Variants in FOCAD observed in about 807,000 individuals in gnomAD.
The protein encoded by FOCAD is focadhesin.
A neutral mutation model predicts 225.6 loss-of-function variants in FOCAD; 198 were observed. That is an observed-to-expected ratio of 0.88 (90% CI 0.78 to 0.99). FOCAD has a LOEUF of 0.99. Ranked by LOEUF, FOCAD falls within the 50% of genes least tolerant of loss-of-function variation. The pLI is 0.00. For synonymous variants in FOCAD, 897 were observed against 755.0 expected (o/e 1.19, Z -3.08); for missense variants, 2,713 against 2,123.6 (o/e 1.28, Z -5.46).
chr9:20,729,871 T>C (rs1022810932), intron 4 of FOCAD, among the ~76,000 whole-genome samples: 2 of 152,158 alleles, frequency 1.3e-5, no homozygotes, highest in Non-Finnish European at 2.9e-5. Context: ...AGAATCAGTG[T>C]CAAATATAAT....
In FOCAD at chr9:20,844,818, A is replaced by G. The variant is rs191030983; in HGVS notation, c.1921-17760A>G. Among the ~76,000 whole-genome samples the G allele has an allele frequency of 1.6e-4, 25 of 152,270 alleles. No homozygotes were observed. The East Asian group carries it at 4.6e-3, about 28-fold the overall frequency. On this transcript the variant is annotated intron_variant, in intron 15 of 43. Transcript: ENST00000338382. Reference sequence around the variant, plus strand: ...TGAGATATTTTCTAATTGTTAAGTTAATAATGAAGTTAATGTGATGGGTTT... The same window carrying G: ...TGAGATATTTTCTAATTGTTAAGTTGATAATGAAGTTAATGTGATGGGTTT...
Position 20,959,562 on chromosome 9 carries a change from T to C in FOCAD, c.4132+6497T>C, listed in dbSNP as rs1838511056. Among the ~76,000 whole-genome samples, 3 of 152,180 alleles carry C rather than the reference T, an allele frequency of 2.0e-5. No homozygotes were observed. In the South Asian group the frequency reaches 6.2e-4, roughly 32 times the overall value. The stretch of plus-strand genomic sequence containing the variant: ...TTGATGTAATCCCATTTATTTTTGC[T>C]TTTATTTTCTATGCTTTTGAGGTCT... On this transcript the variant is annotated intron_variant, in intron 35 of 43. Coordinates refer to ENST00000338382, the MANE Select transcript of FOCAD (RefSeq NM_001375567.1).
At chr9:20,806,508 A>G (rs987788545) in intron 11 of FOCAD, among the ~76,000 whole-genome samples, 2 of 152,210 alleles carry the variant, frequency 1.3e-5, no homozygotes, top group Admixed American at 6.5e-5. Flanking sequence ...CTACAGAACA[A>G]GAATTAAAAC....
At chr9:20,824,862 G>T (rs1824703514) in intron 15 of FOCAD, among the ~76,000 whole-genome samples, 1 of 151,922 alleles carries the variant, frequency 6.6e-6, no homozygotes. Context: ...GTTCATTCTT[G>T]TCTAGAAAGT....
chr9:20,933,020 A>G lies in FOCAD; in HGVS notation c.3324A>G (p.Ile1108Met). The change falls in exon 28 of 44, where the codon ATA (isoleucine) becomes ATG (methionine). Residue 1108 changes from isoleucine (I) to methionine (M), a missense_variant. Physicochemically the swap from Ile to Met is conservative, Grantham distance 10. Transcript: ENST00000338382. ...CCCCTTGATCTTTAACCAGTGATAT[A>G]TCTGGCCAAGAGATGAACCTTCTTC... is the stretch of plus-strand genomic sequence containing the variant. ...SRLCEEKLSD[I>M]SGQEMNLLLM... 1.9e-6 allele frequency: 3 copies of G among 1,613,062 alleles called. No individual in the cohort carries two copies. Among genetic ancestry groups the G allele is most frequent in the Non-Finnish European group, 2.5e-6 (3 of 1,179,150 alleles).
chr9:20,782,483 A>G (rs939101575), intron 10 of FOCAD, among the ~76,000 whole-genome samples: 4 of 152,142 alleles, frequency 2.6e-5, no homozygotes, highest in African/African-American at 7.2e-5. Flanking sequence ...TCCGTTTCCA[A>G]TCCTGCCTGC....
intron 28 of FOCAD, among the ~76,000 whole-genome samples, chr9:20,938,395 C>T (rs1020209639): frequency 6.6e-6 from 1 of 152,122 alleles, no homozygotes; most frequent in Non-Finnish European, 1.5e-5. Flanking sequence ...GAATACTATG[C>T]AGCCATAAAA....
chr9:20,818,445 A>G (rs1204933871), intron 11 of FOCAD, among the ~76,000 whole-genome samples: 1 of 151,980 alleles, frequency 6.6e-6, no homozygotes, highest in Admixed American at 6.6e-5. Flanking sequence ...GTCTACCCCA[A>G]TGTTACAAAG....
At chr9:20,978,563 C>A (rs1840409884) in intron 37 of FOCAD, 109 bp downstream of exon 37, 10 of 682,292 alleles carry the variant, frequency 1.5e-5, no homozygotes, top group Non-Finnish European at 2.3e-5. Flanking sequence ...CAGATGAGAT[C>A]TTCACAAAAA....
intron 10 of FOCAD, among the ~76,000 whole-genome samples, chr9:20,784,057 A>G (rs1819666876): frequency 6.6e-6 from 1 of 152,236 alleles, no homozygotes; most frequent in Non-Finnish European, 1.5e-5. Flanking sequence ...AAGTCTCCCC[A>G]GACAATGCTG....
intron 23 of FOCAD, among the ~76,000 whole-genome samples, chr9:20,915,432 A>T (rs1370529658): frequency 6.6e-6 from 1 of 152,216 alleles, no homozygotes; most frequent in African/African-American, 2.4e-5. Flanking sequence ...GAAAGAAGGC[A>T]TTCTAAGGAG....
At chr9:20,824,267 C>T (rs1478107266) in intron 15 of FOCAD, among the ~76,000 whole-genome samples, 1 of 152,008 alleles carries the variant, frequency 6.6e-6, no homozygotes, top group Non-Finnish European at 1.5e-5. Flanking sequence ...AATAAGTAAT[C>T]CTGAAATCTA....
intron 35 of FOCAD, among the ~76,000 whole-genome samples, chr9:20,962,128 T>C (rs1035619701): frequency 3.3e-5 from 5 of 152,114 alleles, no homozygotes; most frequent in Non-Finnish European, 7.3e-5. Context: ...CTTTCCTTGG[T>C]GGGGGAAGAT....
At chr9:20,791,239 A>T (rs1012541950) in intron 11 of FOCAD, among the ~76,000 whole-genome samples, 1 of 136,896 alleles carries the variant, frequency 7.3e-6, no homozygotes, top group African/African-American at 2.7e-5. Flanking sequence ...ACACACACTC[A>T]CACACACACA....
chr9:20,796,577 A>AT (rs1821134712), intron 11 of FOCAD, among the ~76,000 whole-genome samples: 1 of 151,978 alleles, frequency 6.6e-6, no homozygotes, highest in African/African-American at 2.4e-5. Flanking sequence ...GATGATGAGC[A>AT]TTTTTTCATG....
intron 14 of FOCAD, among the ~76,000 whole-genome samples, chr9:20,821,984 T>C (rs1303472297): frequency 1.5e-5 from 1 of 67,520 alleles, no homozygotes; most frequent in Non-Finnish European, 2.8e-5. Context: ...ATGACCTCAA[T>C]GTAAAAGTTA....
chr9:20,874,942 C>A, intron 19 of FOCAD, 135 bp downstream of exon 19: 1 of 1,124,006 alleles, frequency 8.9e-7, no homozygotes, highest in Non-Finnish European at 1.3e-6. Context: ...TAAATGCACC[C>A]ATCTGTTCTA....
At chr9:20,969,638 C>T (rs1336869822) in intron 35 of FOCAD, among the ~76,000 whole-genome samples, 4 of 151,472 alleles carry the variant, frequency 2.6e-5, no homozygotes, top group African/African-American at 7.3e-5. Flanking sequence ...GATTTATAAT[C>T]ATTGTTTTAT....
At chr9:20,706,930 C>T (rs1824436044) in intron 1 of FOCAD, among the ~76,000 whole-genome samples, 2 of 152,142 alleles carry the variant, frequency 1.3e-5, no homozygotes, top group Non-Finnish European at 2.9e-5. Context: ...TAGGCTGTTG[C>T]CCAGAATTCA....
Sources: gnomAD v4.1 joint callset for allele counts (sites outside exome capture counted in the v4.1 genomes callset) on GRCh38, gnomAD v4.1.1 for gene constraint, MANE v1.5 for transcripts, NCBI Gene and HGNC (gene_info 2026-07-23, HGNC 2026-07-21) for gene names.